AFDN: variants seen among roughly 807,000 people sequenced by gnomAD.
AFDN encodes afadin, adherens junction formation factor, also known as afadin.
In AFDN, 68 loss-of-function variants were observed where a neutral mutation model predicts 216.6. The observed-to-expected ratio is 0.31, with a 90% CI of 0.26 to 0.38. The LOEUF (loss-of-function observed/expected upper bound fraction) is 0.38. Ranked by LOEUF, AFDN falls within the 10% of genes least tolerant of loss-of-function variation. The probability of loss-of-function intolerance (pLI) is 1.00; values close to 1 mark genes in which losing one functional copy is unlikely to be tolerated. For missense variants in AFDN, 2,136 were observed against 2,342.0 expected, an observed-to-expected ratio of 0.91 and a Z score of 1.82; for synonymous variants, 868 against 853.7, an observed-to-expected ratio of 1.02 and a Z score of -0.29.
intron 1 of AFDN, among the ~76,000 whole-genome samples, chr6:167,852,206 A>G (rs149713058): frequency 0.01 from 1,564 of 152,298 alleles, 30 homozygotes; most frequent in African/African-American, 0.036. Context: ...GAGATTCCCT[A>G]TATCTCTCAA....
intron 23 of AFDN, among the ~76,000 whole-genome samples, chr6:167,942,194 G>A (rs554967813): frequency 1.2e-4 from 19 of 152,316 alleles, no homozygotes; most frequent in African/African-American, 3.4e-4. Context: ...GGACAAATGC[G>A]AGTGGTTTCC....
intron 23 of AFDN, among the ~76,000 whole-genome samples, chr6:167,926,632 A>G (rs924504049): frequency 6.6e-5 from 10 of 152,168 alleles, no homozygotes; most frequent in Non-Finnish European, 1.2e-4. Context: ...GGGTCTCGCT[A>G]TGCTGCCCAG....
Position 167,911,115 on chromosome 6 carries a change from C to T in AFDN, c.1784C>T (p.Ser595Phe), listed in dbSNP as rs1398676798. The stretch of plus-strand genomic sequence containing the variant: ...TCTTCTTTTAGAACACAGGATGCTT[C>T]TGGGCCTGAGCTGATACTACCTGCA... ...RRQESRTQDA[S>F]GPELILPASI... The change falls in exon 14 of 34, where the codon TCT becomes TTT. Residue 595 changes from serine (S) to phenylalanine (F), a missense_variant. This residue lies in a region of AFDN where 817 missense variants were observed against 965.7 expected (regional missense o/e 0.85). Coordinates refer to ENST00000683244, the MANE Select transcript of AFDN (RefSeq NM_001386888.1). The T allele has an allele frequency of 6.2e-7, 1 of 1,613,578 alleles. No homozygotes were observed. Among genetic ancestry groups the T allele is most frequent in the African/African-American group, 1.3e-5 (1 of 75,002 alleles).
chr6:167,860,251 G>A lies in AFDN; in HGVS notation c.106-4300G>A, dbSNP rs562083907. The stretch of plus-strand genomic sequence containing the variant: ...TGCAACATATTAGACTATTAATTCT[G>A]CCCTTGAGACTTTATGGCTGTTTAT... On this transcript the variant is annotated intron_variant, in intron 1 of 33. Transcript: ENST00000683244. Among the ~76,000 whole-genome samples, 8 of 131,214 alleles carry A rather than the reference G, an allele frequency of 6.1e-5. No individual in the cohort carries two copies. The East Asian group carries it at 1.2e-3, about 19-fold the overall frequency. 86.1% of individuals were successfully genotyped at this position (131,214 alleles called of 152,430 possible).
intron 30 of AFDN, among the ~76,000 whole-genome samples, chr6:167,955,209 A>G (rs980200155): frequency 2.0e-5 from 3 of 152,340 alleles, no homozygotes; most frequent in East Asian, 3.9e-4. Flanking sequence ...TTATAAAGAC[A>G]AAAGCCAATA....
Position 167,945,049 on chromosome 6 carries a change from TAAA to T in AFDN, c.3358+996_3358+998del, listed in dbSNP as rs533547013. Among the ~76,000 whole-genome samples, 185 of 151,904 alleles carry T rather than the reference TAAA, an allele frequency of 1.2e-3. 1 individual carries two copies. In the South Asian group the frequency reaches 0.016, roughly 13 times the overall value. On this transcript the variant is annotated intron_variant, in intron 26 of 33. Coordinates refer to ENST00000683244, the MANE Select transcript of AFDN (RefSeq NM_001386888.1). Reference sequence around the variant, plus strand: ...AACTTTACTACATAAAATTTTAAATTAAAAAAAACCTTTTGACTCTTTTGTAGT... The same window carrying T: ...AACTTTACTACATAAAATTTTAAATTAAAAACCTTTTGACTCTTTTGTAGT...
chr6:167,889,093 T>C (rs1787236501), intron 6 of AFDN, 122 bp from the exon 7 acceptor site: 1 of 608,308 alleles, frequency 1.6e-6, no homozygotes, highest in East Asian at 2.7e-5. Context: ...GTGAGAATTG[T>C]TTCTAGTGCT....
intron 23 of AFDN, among the ~76,000 whole-genome samples, chr6:167,938,428 T>A (rs76514311): frequency 4.4e-4 from 67 of 152,276 alleles, no homozygotes; most frequent in African/African-American, 1.3e-3. Context: ...GAAATGTGAT[T>A]GGATTTAGAG....
chr6:167,833,591 C>G (rs1434425206), intron 1 of AFDN, among the ~76,000 whole-genome samples: 1 of 152,190 alleles, frequency 6.6e-6, no homozygotes, highest in Non-Finnish European at 1.5e-5. Context: ...GTGGTACTTT[C>G]CATTGTGGTC....
At chr6:167,952,303 G>T (rs749711403) in intron 30 of AFDN, 116 bp downstream of exon 30, 3 of 1,556,392 alleles carry the variant, frequency 1.9e-6, no homozygotes, top group Non-Finnish European at 2.6e-6. Flanking sequence ...GGGCCCCTAG[G>T]CTTATACTGT....
intron 30 of AFDN, chr6:167,954,427 CTTT>C (rs759996822): frequency 8.3e-7 from 1 of 1,197,722 alleles, no homozygotes; most frequent in Admixed American, 2.4e-5. Flanking sequence ...CTTCATCTTT[CTTT>C]TTTTTTTTCT....
chr6:167,968,923 T>G (rs1797813153), intron 32 of AFDN, 191 bp from the exon 33 acceptor site: 1 of 561,872 alleles, frequency 1.8e-6, no homozygotes, highest in Non-Finnish European at 3.2e-6. Context: ...AGAGTAGTAA[T>G]TGGATTACTC....
chr6:167,828,958 T>C (rs1779527507), intron 1 of AFDN, among the ~76,000 whole-genome samples: 1 of 152,184 alleles, frequency 6.6e-6, no homozygotes, highest in Non-Finnish European at 1.5e-5. Flanking sequence ...AAACTTTTTA[T>C]TTCTTAGTGA....
intron 9 of AFDN, among the ~76,000 whole-genome samples, chr6:167,894,831 C>G (rs1166493188): frequency 6.6e-6 from 1 of 152,124 alleles, no homozygotes; most frequent in East Asian, 1.9e-4. Flanking sequence ...CATAAGAGAC[C>G]TTTCAGAAGC....
At chr6:167,918,609 TG>T in intron 20 of AFDN, 125 bp from the exon 21 acceptor site, 8 of 509,092 alleles carry the variant, frequency 1.6e-5, no homozygotes, top group Non-Finnish European at 2.6e-5. Context: ...TGCGTCTGTC[TG>T]TGTGTGTGTG....
intron 1 of AFDN, among the ~76,000 whole-genome samples, chr6:167,847,420 A>T (rs1781819772): frequency 6.6e-6 from 1 of 152,118 alleles, no homozygotes. Context: ...TCTCAAAGTG[A>T]GCCTGTCCAA....
chr6:167,944,841 A>C (rs1274759846), intron 26 of AFDN, among the ~76,000 whole-genome samples: 1 of 151,956 alleles, frequency 6.6e-6, no homozygotes, highest in African/African-American at 2.4e-5. Context: ...CTTAACCCTG[A>C]GTGGAGCTTG....
In AFDN at chr6:167,942,532, G is replaced by A. The variant is rs1213886728; in HGVS notation, c.3100-597G>A. ...ATCCAAGTAGAATATTGGTGATTCT[G>A]AAAACAATTATATATAGAACTTAAG... On this transcript the variant is annotated intron_variant, in intron 23 of 33. Coordinates refer to ENST00000683244, the MANE Select transcript of AFDN (RefSeq NM_001386888.1). Among the ~76,000 whole-genome samples the A allele has an allele frequency of 2.0e-5, 3 of 152,258 alleles. No individual in the cohort carries two copies. The South Asian group carries it at 6.2e-4, about 32-fold the overall frequency.
intron 1 of AFDN, among the ~76,000 whole-genome samples, chr6:167,843,938 C>T (rs1040000656): frequency 1.3e-5 from 2 of 152,086 alleles, no homozygotes; most frequent in Non-Finnish European, 2.9e-5. Context: ...TTCAGGTGGG[C>T]AGTAACTGAC....
Sources: allele counts gnomAD v4.1 joint callset (sites outside exome capture counted in the v4.1 genomes callset), GRCh38; gene constraint gnomAD v4.1.1; regional missense constraint gnomAD v4.1.1; transcripts MANE v1.5; gene names NCBI Gene and HGNC (gene_info 2026-07-23, HGNC 2026-07-21).